VCPIP1: variants seen among roughly 807,000 people sequenced by gnomAD.
The protein encoded by VCPIP1 is valosin containing protein interacting protein 1.
VCPIP1 carries 8 observed loss-of-function variants against 85.0 expected under a neutral mutation model. That is an observed-to-expected ratio of 0.09 (90% CI 0.06 to 0.17). VCPIP1 has a LOEUF of 0.17. VCPIP1 is among the 10% of genes least tolerant of loss of function. VCPIP1 has a pLI of 1.00. For missense variants in VCPIP1, 1,070 were observed against 1,486.3 expected, an observed-to-expected ratio of 0.72 and a Z score of 4.61; for synonymous variants, 543 against 544.5, an observed-to-expected ratio of 1.00 and a Z score of 0.04.
chr8:66,639,234 C>T (rs558426994), intron 2 of VCPIP1, among the ~76,000 whole-genome samples: 1 of 151,440 alleles, frequency 6.6e-6, no homozygotes, highest in Admixed American at 6.6e-5. Flanking sequence ...ATCTGTCCGC[C>T]TTGGCCTCCC....
chr8:66,637,127 A>G (rs1258947686), intron 2 of VCPIP1, among the ~76,000 whole-genome samples: 2 of 151,812 alleles, frequency 1.3e-5, no homozygotes, highest in South Asian at 4.2e-4. Flanking sequence ...TTTGTTTCCA[A>G]CAAACAAAGG....
intron 2 of VCPIP1, among the ~76,000 whole-genome samples, chr8:66,648,045 C>A (rs1187894576): frequency 6.6e-6 from 1 of 152,146 alleles, no homozygotes; most frequent in Non-Finnish European, 1.5e-5. Flanking sequence ...AATCCGCTCA[C>A]CTTGGCCTCC....
chr8:66,656,780 T>C (rs1207195622), intron 1 of VCPIP1, among the ~76,000 whole-genome samples: 2 of 151,834 alleles, frequency 1.3e-5, no homozygotes, highest in African/African-American at 4.8e-5. Flanking sequence ...CAACTAACTT[T>C]TGTATTTTTA....
In VCPIP1 at chr8:66,635,389, A is replaced by C; in HGVS notation, c.2798-17T>G. On this transcript the variant is annotated splice_polypyrimidine_tract_variant and intron_variant, in intron 2 of 2. Coordinates refer to ENST00000310421, the MANE Select transcript of VCPIP1 (RefSeq NM_025054.5). ...CAGCCATACCTAAAAAGGGGAAAAG[A>C]TATTTAACATATTAAAATCTTAAGG... The C allele has an allele frequency of 1.3e-6, 2 of 1,573,520 alleles. No homozygotes were observed. The highest frequency in any genetic ancestry group is 1.7e-6 in the Non-Finnish European group (2 of 1,164,234).
Position 66,666,843 on chromosome 8 carries a change from C to G in VCPIP1, c.116G>C (p.Arg39Pro). The G allele has an allele frequency of 6.2e-7, 1 of 1,613,576 alleles. No homozygotes were observed. Among genetic ancestry groups the G allele is most frequent in the Non-Finnish European group, 8.5e-7 (1 of 1,179,966 alleles). ...CCCGGAAAGGATTCTCCGGTCTCTC[C>G]GCTTCAAAAGCCCCCCCGAAGCAGC... is the stretch of plus-strand genomic sequence containing the variant. ...SAAASGGLLKRRDRRILSGSC... is the reference protein window; with the variant it reads ...SAAASGGLLKPRDRRILSGSC... The change falls in exon 1 of 3, where the codon CGG (arginine) becomes CCG (proline). Residue 39 changes from arginine (R) to proline (P), a missense_variant. Arg to Pro is a moderately radical substitution (Grantham distance 103). Transcript: ENST00000310421. The surrounding 1 kb of genome is among the most constrained non-coding windows in gnomAD (Gnocchi z 6.3).
intron 2 of VCPIP1, among the ~76,000 whole-genome samples, chr8:66,651,256 T>G (rs1811051301): frequency 6.8e-6 from 1 of 147,260 alleles, no homozygotes; most frequent in Admixed American, 6.8e-5. Flanking sequence ...AGCAACAAAG[T>G]GATAGATTTT....
At chr8:66,653,859 A>G (rs1324880561) in intron 1 of VCPIP1, among the ~76,000 whole-genome samples, 1 of 152,192 alleles carries the variant, frequency 6.6e-6, no homozygotes, top group East Asian at 1.9e-4. Context: ...CTGTATATAC[A>G]TCTTAGTTTT....
At position 66,632,736 on chromosome 8, in the gene VCPIP1, G is replaced by A. The variant is rs1208486782; in HGVS notation, c.*1765C>T. ...AAATAATTATAGTGGTTAGTGAAGT[G>A]ATATTTGTAATTCGTAGTTTAATAC... On this transcript the variant is annotated 3_prime_UTR_variant, in exon 3 of 3. Transcript: ENST00000310421. 1.3e-5 allele frequency: 2 copies of A among 152,090 alleles called. No homozygotes were observed. The highest frequency in any genetic ancestry group is 6.5e-5 in the Admixed American group (1 of 15,276). 9.4% of individuals were successfully genotyped at this position (152,090 alleles called of 1,614,324 possible). A position where few individuals can be genotyped will look rare whatever the true frequency, so the allele number is the denominator to read the frequency against.
chr8:66,660,825 C>G (rs1811148293), intron 1 of VCPIP1, among the ~76,000 whole-genome samples: 1 of 151,862 alleles, frequency 6.6e-6, no homozygotes. Flanking sequence ...GGGCGGATCC[C>G]CTGAGGTCGG....
Position 66,634,829 on chromosome 8 carries a change from G to T in VCPIP1, c.3341C>A (p.Ser1114Tyr). Reference protein sequence around the residue: ...AQRKKLQEMVSSIQASMDRHL... With the variant: ...AQRKKLQEMVYSIQASMDRHL... The stretch of plus-strand genomic sequence containing the variant: ...CCTGTCCATTGAAGCCTGAATAGAA[G>T]AAACCATTTCCTGCAATTTTTTTCG... Residue 1114 changes from serine (S) to tyrosine (Y), a missense_variant, in exon 3 of 3, where the codon TCT becomes TAT. Coordinates refer to ENST00000310421, the MANE Select transcript of VCPIP1 (RefSeq NM_025054.5). The T allele has an allele frequency of 6.2e-7, 1 of 1,614,180 alleles. No homozygotes were observed. Among genetic ancestry groups the T allele is most frequent in the Non-Finnish European group, 8.5e-7 (1 of 1,180,034 alleles).
intron 2 of VCPIP1, among the ~76,000 whole-genome samples, chr8:66,643,360 G>A (rs58250632): frequency 6.6e-6 from 1 of 150,844 alleles, no homozygotes; most frequent in East Asian, 2.0e-4. Context: ...AAAGGGAAGG[G>A]AAGGGATGCT....
intron 2 of VCPIP1, among the ~76,000 whole-genome samples, chr8:66,642,135 A>T (rs1810954077): frequency 6.6e-6 from 1 of 152,218 alleles, no homozygotes; most frequent in African/African-American, 2.4e-5. Context: ...CAGGCTAGTG[A>T]GTATGAAGTA....
In VCPIP1 at chr8:66,638,647, C is replaced by T. The variant is rs575808777; in HGVS notation, c.2798-3275G>A. 5.3e-5 allele frequency among the ~76,000 whole-genome samples: 8 copies of T among 152,020 alleles called. No individual in the cohort carries two copies. The South Asian group carries it at 8.3e-4, about 16-fold the overall frequency. ...ACAAAAAATTAGCCAGGCGTGGTGG[C>T]GGGCGCCTGGAGTCCCAGCTACTCA... On this transcript the variant is annotated intron_variant, in intron 2 of 2. Coordinates refer to ENST00000310421, the MANE Select transcript of VCPIP1 (RefSeq NM_025054.5).
Position 66,632,023 on chromosome 8 carries a change from G to T in VCPIP1, c.*2478C>A, listed in dbSNP as rs1810838496. 6.9e-6 allele frequency: 1 copy of T among 144,212 alleles called. No individual in the cohort carries two copies. Among genetic ancestry groups the T allele is most frequent in the Non-Finnish European group, 1.5e-5 (1 of 66,244 alleles). The allele number at this position is 144,212 out of a possible 1,614,324, so 8.9% of individuals were successfully genotyped here. The stretch of plus-strand genomic sequence containing the variant: ...AATGTTTAGTGAAGCACTGCAAACA[G>T]AATTGCAGGAATGCATTTTAGTTAT... On this transcript the variant is annotated 3_prime_UTR_variant, in exon 3 of 3. Transcript: ENST00000310421.
chr8:66,666,488 C>T lies in VCPIP1; in HGVS notation c.471G>A (p.Leu157=), dbSNP rs1306566153. 6.2e-7 allele frequency: 1 copy of T among 1,614,206 alleles called. No individual in the cohort carries two copies. The highest frequency in any genetic ancestry group is 8.5e-7 in the Non-Finnish European group (1 of 1,180,030). The change falls in exon 1 of 3, where the codon CTG becomes CTA. Residue 157 remains leucine, a synonymous_variant. Coordinates refer to ENST00000310421, the MANE Select transcript of VCPIP1 (RefSeq NM_025054.5). The surrounding 1 kb of genome is among the most constrained non-coding windows in gnomAD (Gnocchi z 6.3). Reference sequence around the variant, plus strand: ...GGTCACCCAGTAAGGCGCAATCGAACAGTTCGCCCTGGTTCATGTCCCGGA... The same window carrying T: ...GGTCACCCAGTAAGGCGCAATCGAATAGTTCGCCCTGGTTCATGTCCCGGA... ...KLLRDMNQGE[L]FDCALLGDRA...
intron 2 of VCPIP1, among the ~76,000 whole-genome samples, chr8:66,647,600 T>C (rs1360562228): frequency 6.6e-6 from 1 of 152,098 alleles, no homozygotes; most frequent in Non-Finnish European, 1.5e-5. Context: ...ATATAGTCAG[T>C]TGATTTAAGA....
At chr8:66,663,311 C>T (rs764176465) in intron 1 of VCPIP1, among the ~76,000 whole-genome samples, 1 of 151,984 alleles carries the variant, frequency 6.6e-6, no homozygotes, top group Admixed American at 6.6e-5. Context: ...CAAATCACTG[C>T]CATATAGTAC....
At chr8:66,636,114 A>G (rs1810883533) in intron 2 of VCPIP1, among the ~76,000 whole-genome samples, 1 of 151,438 alleles carries the variant, frequency 6.6e-6, no homozygotes, top group Admixed American at 6.6e-5. Context: ...CTGTAGTCCC[A>G]GCTACTGGGG....
In VCPIP1 at chr8:66,665,867, A is replaced by G; in HGVS notation, c.1092T>C (p.Ala364=). The G allele has an allele frequency of 6.2e-7, 1 of 1,614,238 alleles. No individual in the cohort carries two copies. Among genetic ancestry groups the G allele is most frequent in the East Asian group, 2.2e-5 (1 of 44,890 alleles). ...AATTCATAGGCAGTTTGGGCAAAGC[A>G]GCCCCTTTTATGCCTACCAAGGGGA... ...HYIPLVGIKG[A]ALPKLPMNLL... The change falls in exon 1 of 3, where the codon GCT becomes GCC. Residue 364 remains alanine, a synonymous_variant. Coordinates refer to ENST00000310421, the MANE Select transcript of VCPIP1 (RefSeq NM_025054.5). This position sits in a 1 kb window ranked among gnomAD's most constrained non-coding sequence, Gnocchi z 4.3.
Sources: gnomAD v4.1 joint callset for allele counts (sites outside exome capture counted in the v4.1 genomes callset) on GRCh38, gnomAD v4.1.1 for gene constraint, Gnocchi (gnomAD v3.1) non-coding constraint, MANE v1.5 for transcripts, NCBI Gene and HGNC (gene_info 2026-07-23, HGNC 2026-07-21) for gene names.